PC: variants seen among roughly 807,000 people sequenced by gnomAD.
The protein encoded by PC is pyruvate carboxylase, also known as pyruvate carboxylase, mitochondrial.
Under a neutral mutation model 107.8 loss-of-function variants are expected in PC, and 46 were observed. That is an observed-to-expected ratio of 0.43 (90% CI 0.34 to 0.55). The LOEUF is 0.55. Ranked by LOEUF, PC falls within the 20% of genes least tolerant of loss-of-function variation. The probability of loss-of-function intolerance (pLI) is 0.04; values close to 1 mark genes in which losing one functional copy is unlikely to be tolerated. For synonymous variants in PC, 662 were observed against 684.7 expected, an observed-to-expected ratio of 0.97 and a Z score of 0.52; for missense variants, 1,241 against 1,643.1, an observed-to-expected ratio of 0.76 and a Z score of 4.23.
intron 3 of PC, among the ~76,000 whole-genome samples, chr11:66,927,591 C>A (rs1183052805): frequency 1.3e-5 from 2 of 151,848 alleles, no homozygotes; most frequent in East Asian, 3.9e-4. Context: ...GGCCTGGTGG[C>A]AGGTGCCTGT....
At chr11:66,946,110 A>G (rs1010739100) in intron 3 of PC, among the ~76,000 whole-genome samples, 2 of 151,788 alleles carry the variant, frequency 1.3e-5, no homozygotes, top group South Asian at 2.1e-4. Flanking sequence ...AAAAAAAAAA[A>G]AAAAGAAATC....
chr11:66,940,183 T>A (rs1034398789), intron 3 of PC, among the ~76,000 whole-genome samples: 1 of 148,352 alleles, frequency 6.7e-6, no homozygotes. Flanking sequence ...CGAGAATACA[T>A]AGAAAGTTCC....
rs1946680962 is a variant in PC, at chr11:66,870,475, G to C, written c.752-22C>G. ...TCCCCTGGGGAGGGAGGTAAACTGGGCTTAGCTTTTACTGGAATCTACACG... is the reference window on the plus strand; with the variant it reads ...TCCCCTGGGGAGGGAGGTAAACTGGCCTTAGCTTTTACTGGAATCTACACG... On this transcript the variant is annotated intron_variant, in intron 8 of 22. Transcript: ENST00000393960. The surrounding 1 kb of genome is among the most constrained non-coding windows in gnomAD (Gnocchi z 6.1). 3 of 1,611,342 alleles carry C rather than the reference G, an allele frequency of 1.9e-6. No homozygotes were observed. Among genetic ancestry groups the C allele is most frequent in the Middle Eastern group, 1.6e-4 (1 of 6,062 alleles).
intron 3 of PC, among the ~76,000 whole-genome samples, chr11:66,943,481 G>T (rs1949199128): frequency 6.6e-6 from 1 of 151,944 alleles, no homozygotes; most frequent in South Asian, 2.1e-4. Flanking sequence ...GCTCACGCCT[G>T]TAATCCCAAC....
intron 18 of PC, 61 bp from the exon 19 acceptor site, chr11:66,850,525 G>A (rs941032388): frequency 4.3e-6 from 7 of 1,610,816 alleles, no homozygotes; most frequent in African/African-American, 4.0e-5. Flanking sequence ...AGGACCCAGG[G>A]CTAGCTCAGG....
At position 66,849,209 on chromosome 11, in the gene PC, T is replaced by C. The variant is rs562596956; in HGVS notation, c.3288+21A>G. 13 of 1,613,816 alleles carry C rather than the reference T, an allele frequency of 8.1e-6. No individual in the cohort carries two copies. The East Asian group carries it at 2.7e-4, about 33-fold the overall frequency. ...GCCCAGCCAAGCCCCACCGCCTGGC[T>C]GGCCCTGGGGGAGACAATACCTTCA... On this transcript the variant is annotated intron_variant, in intron 22 of 22. Coordinates refer to ENST00000393960, the MANE Select transcript of PC (RefSeq NM_001040716.2).
intron 3 of PC, among the ~76,000 whole-genome samples, chr11:66,915,726 T>C (rs1333117898): frequency 6.6e-6 from 1 of 152,130 alleles, no homozygotes; most frequent in Non-Finnish European, 1.5e-5. Flanking sequence ...TTCCGAGACT[T>C]CCTCGATTTA....
intron 3 of PC, among the ~76,000 whole-genome samples, chr11:66,938,492 G>A (rs760468980): frequency 2.0e-5 from 3 of 152,034 alleles, no homozygotes; most frequent in Non-Finnish European, 2.9e-5. Flanking sequence ...TAAGTACCTA[G>A]TACTCGACCG....
Position 66,870,787 on chromosome 11 carries a change from CCTCGATGTGCCGTGGCTT to C in PC, c.721_738del (p.Lys241_Glu246del). ...CAGGACCACTCACCCAAGATCTGCA[CCTCGATGTGCCGTGGCTT>C]CTCGATGAACTTCTCCACAAACAGC... On this transcript the variant is annotated inframe_deletion, in exon 8 of 23. Transcript: ENST00000393960. This position sits in a 1 kb window ranked among gnomAD's most constrained non-coding sequence, Gnocchi z 6.1. 1 of 1,612,872 alleles carries C rather than the reference CCTCGATGTGCCGTGGCTT, an allele frequency of 6.2e-7. No homozygotes were observed. The highest frequency in any genetic ancestry group is 8.5e-7 in the Non-Finnish European group (1 of 1,179,938).
At chr11:66,909,612 G>A (rs778743645) in intron 3 of PC, among the ~76,000 whole-genome samples, 3 of 152,178 alleles carry the variant, frequency 2.0e-5, no homozygotes, top group Non-Finnish European at 4.4e-5. Context: ...CTGGGGAGCC[G>A]GAGCGGACAA....
chr11:66,860,146 G>GC, intron 12 of PC: 1 of 1,549,384 alleles, frequency 6.5e-7, no homozygotes, highest in Non-Finnish European at 8.7e-7. Context: ...GGGGCAGGGT[G>GC]CCGGGGGGTA....
At chr11:66,855,692 T>C (rs1008041419) in intron 12 of PC, among the ~76,000 whole-genome samples, 6 of 152,136 alleles carry the variant, frequency 3.9e-5, no homozygotes. Flanking sequence ...TCCCCCTCAT[T>C]TTACAAACGC....
At chr11:66,877,347 T>C (rs1947019525) in intron 3 of PC, among the ~76,000 whole-genome samples, 1 of 152,098 alleles carries the variant, frequency 6.6e-6, no homozygotes, top group Non-Finnish European at 1.5e-5. Flanking sequence ...GATCGCGCCA[T>C]TGCATTCCAG....
chr11:66,893,764 C>T (rs1947652793), intron 3 of PC, among the ~76,000 whole-genome samples: 1 of 151,868 alleles, frequency 6.6e-6, no homozygotes, highest in Non-Finnish European at 1.5e-5. Flanking sequence ...AATGCCTATT[C>T]TATAGCAGAA....
intron 3 of PC, among the ~76,000 whole-genome samples, chr11:66,914,488 G>A (rs919946955): frequency 6.7e-6 from 1 of 149,524 alleles, no homozygotes; most frequent in African/African-American, 2.5e-5. Context: ...TCCAGTCTGG[G>A]CAACAAGGGT....
chr11:66,946,772 G>A (rs1267764300), intron 3 of PC, among the ~76,000 whole-genome samples: 2 of 152,142 alleles, frequency 1.3e-5, no homozygotes, highest in African/African-American at 2.4e-5. Flanking sequence ...CTGGGGCACA[G>A]AGCAAGACCC....
chr11:66,851,374 G>A (rs1945480245), intron 16 of PC, 94 bp from the exon 17 acceptor site: 5 of 1,559,680 alleles, frequency 3.2e-6, no homozygotes, highest in African/African-American at 2.7e-5. Context: ...ATGGCCCCTG[G>A]GGAATGAGAT....
chr11:66,873,492 T>TA (rs1946847199), intron 3 of PC, among the ~76,000 whole-genome samples: 8 of 33,726 alleles, frequency 2.4e-4, no homozygotes, highest in Non-Finnish European at 3.6e-4. Context: ...TAATATTATA[T>TA]ATATTATATA....
chr11:66,902,509 G>A (rs530994385), intron 3 of PC, among the ~76,000 whole-genome samples: 2 of 152,230 alleles, frequency 1.3e-5, no homozygotes, highest in South Asian at 4.1e-4. Context: ...TCAAAGCCAC[G>A]TAGACCCCTG....
Sources: allele counts gnomAD v4.1 joint callset (sites outside exome capture counted in the v4.1 genomes callset), GRCh38; gene constraint gnomAD v4.1.1; non-coding constraint Gnocchi (gnomAD v3.1); transcripts MANE v1.5; gene names NCBI Gene and HGNC (gene_info 2026-07-23, HGNC 2026-07-21).